SNX27: variants seen among roughly 807,000 people sequenced by gnomAD.
SNX27 encodes sorting nexin-27.
Under a neutral mutation model 71.6 loss-of-function variants are expected in SNX27, and 22 were observed. The ratio of observed to expected loss-of-function variants is 0.31; its 90% CI spans 0.22 to 0.44. The LOEUF is 0.44. SNX27 is among the 20% of genes least tolerant of loss of function. The probability of loss-of-function intolerance (pLI) is 1.00; values close to 1 mark genes in which losing one functional copy is unlikely to be tolerated. For synonymous variants in SNX27, 269 were observed against 277.2 expected (o/e 0.97, Z 0.29); for missense variants, 531 against 698.6 (o/e 0.76, Z 2.70).
At chr1:151,650,865 C>T (rs1669304261) in intron 2 of SNX27, among the ~76,000 whole-genome samples, 1 of 152,016 alleles carries the variant, frequency 6.6e-6, no homozygotes, top group Non-Finnish European at 1.5e-5. Context: ...CGCCCTTAAT[C>T]CATTTAACCC....
At position 151,692,432 on chromosome 1, in the gene SNX27, T is replaced by TTTTTTAAAAAA; in HGVS notation, c.1240-3_1240-2insTTTTTAAAAAA. The TTTTTTAAAAAA allele has an allele frequency of 6.9e-7, 1 of 1,452,068 alleles. No homozygotes were observed. Among genetic ancestry groups the TTTTTTAAAAAA allele is most frequent in the Non-Finnish European group, 9.1e-7 (1 of 1,101,928 alleles). The allele number at this position is 1,452,068 out of a possible 1,614,324, so 89.9% of individuals were successfully genotyped here. On this transcript the variant is annotated splice_polypyrimidine_tract_variant and splice_region_variant and intron_variant, in intron 8 of 11. Coordinates refer to ENST00000458013, the MANE Select transcript of SNX27 (RefSeq NM_001330723.2). ...TTTTTTTTTTTTTTTTTTTTTTTTT[T>TTTTTTAAAAAA]AGTACCTCAACATGCTAAGGACTTG...
At chr1:151,615,836 A>G (rs1571748516) in intron 1 of SNX27, 1 of 984,516 alleles carries the variant, frequency 1.0e-6, no homozygotes, top group Non-Finnish European at 1.2e-6. Flanking sequence ...TTGAAATTTA[A>G]GGGCATACAA....
Position 151,694,605 on chromosome 1 carries a change from A to G in SNX27, c.*188A>G, listed in dbSNP as rs1265341502. On this transcript the variant is annotated 3_prime_UTR_variant, in exon 12 of 12. Transcript: ENST00000458013. Reference sequence around the variant, plus strand: ...TGTCTCTGGAATTGAGGTGGTAGTGAACAGCAGATCGGTCAGCACCAGAAG... The same window carrying G: ...TGTCTCTGGAATTGAGGTGGTAGTGGACAGCAGATCGGTCAGCACCAGAAG... 2.8e-5 allele frequency: 16 copies of G among 561,416 alleles called. No individual in the cohort carries two copies. The East Asian group carries it at 5.2e-4, about 18-fold the overall frequency. The allele number at this position is 561,416 out of a possible 1,614,324, so 34.8% of individuals were successfully genotyped here.
intron 1 of SNX27, among the ~76,000 whole-genome samples, chr1:151,622,098 C>G (rs564962098): frequency 6.6e-6 from 1 of 152,322 alleles, no homozygotes; most frequent in Non-Finnish European, 1.5e-5. Context: ...GGACTACAGA[C>G]TTACAGAAAT....
chr1:151,692,860 C>T (rs1671521344), intron 9 of SNX27, 51 bp from the exon 10 acceptor site: 4 of 1,611,628 alleles, frequency 2.5e-6, no homozygotes, highest in East Asian at 2.2e-5. Context: ...CTCAGTTCCC[C>T]AGCACTCTGA....
chr1:151,621,470 A>T (rs982589182), intron 1 of SNX27, among the ~76,000 whole-genome samples: 7 of 152,176 alleles, frequency 4.6e-5, no homozygotes, highest in African/African-American at 1.4e-4. Flanking sequence ...AACTTTTTAG[A>T]TTCTTGTGTC....
chr1:151,633,912 A>T (rs1204215160), intron 1 of SNX27, among the ~76,000 whole-genome samples: 3 of 149,966 alleles, frequency 2.0e-5, no homozygotes, highest in Non-Finnish European at 3.0e-5. Flanking sequence ...GTTTTGTACT[A>T]TTTTGAATAA....
At chr1:151,687,626 T>C (rs1324331470) in intron 8 of SNX27, among the ~76,000 whole-genome samples, 1 of 152,142 alleles carries the variant, frequency 6.6e-6, no homozygotes, top group Admixed American at 6.5e-5. Context: ...CCTAAAGTGT[T>C]CTGCTCTGTT....
rs139361234 is a variant in SNX27, at chr1:151,682,238, C to G, written c.1150-1118C>G. On this transcript the variant is annotated intron_variant, in intron 7 of 11. Coordinates refer to ENST00000458013, the MANE Select transcript of SNX27 (RefSeq NM_001330723.2). ...GTTATTCCAATAAGTATACCTGTTA[C>G]TGGATGTGTTAGTCCATTTTCACAC... 1.9e-3 allele frequency among the ~76,000 whole-genome samples: 295 copies of G among 152,338 alleles called. 2 individuals carry two copies. The highest frequency in any genetic ancestry group is 6.6e-3 in the African/African-American group (276 of 41,584).
chr1:151,660,587 T>C, intron 3 of SNX27: 1 of 496,762 alleles, frequency 2.0e-6, no homozygotes, highest in South Asian at 2.8e-5. Flanking sequence ...CTTTGTATTT[T>C]CTATTATTTC....
intron 4 of SNX27, 53 bp from the exon 5 acceptor site, chr1:151,662,113 G>C: frequency 8.0e-7 from 1 of 1,253,246 alleles, no homozygotes; most frequent in South Asian, 1.2e-5. Context: ...TTGTTACAGG[G>C]AGAGTGAAGA....
At chr1:151,675,607 G>A (rs1375287927) in intron 7 of SNX27, among the ~76,000 whole-genome samples, 1 of 151,462 alleles carries the variant, frequency 6.6e-6, no homozygotes, top group South Asian at 2.1e-4. Flanking sequence ...GGCTGGCCTG[G>A]GACTCCTGGG....
rs1670936340 is a variant in SNX27 at position 151,681,241 on chromosome 1, T to TC, written c.1150-2115_1150-2114insC. 2.8e-5 allele frequency among the ~76,000 whole-genome samples: 3 copies of TC among 106,800 alleles called. 1 individual carries two copies. The highest frequency in any genetic ancestry group is 5.4e-5 in the Non-Finnish European group (3 of 55,560). 70.1% of individuals were successfully genotyped at this position (106,800 alleles called of 152,430 possible). On this transcript the variant is annotated intron_variant, in intron 7 of 11. Transcript: ENST00000458013. ...GTTGAATTAGTCTCTCAATCTTTTTTTTTTTTTTTTTTTTTTTTGCGATGG... is the reference window on the plus strand; with the variant it reads ...GTTGAATTAGTCTCTCAATCTTTTTTCTTTTTTTTTTTTTTTTTTGCGATGG...
At position 151,694,480 on chromosome 1, in the gene SNX27, C is replaced by A; in HGVS notation, c.*63C>A. On this transcript the variant is annotated 3_prime_UTR_variant, in exon 12 of 12. Transcript: ENST00000458013. ...CTCTTACTCCTTTCATGTCCCATTT[C>A]AGACAGAGTAACCATTAACAAAAAA... 1 of 1,466,182 alleles carries A rather than the reference C, an allele frequency of 6.8e-7. No homozygotes were observed. Among genetic ancestry groups the A allele is most frequent in the Non-Finnish European group, 9.2e-7 (1 of 1,083,366 alleles). 90.8% of individuals were successfully genotyped at this position (1,466,182 alleles called of 1,614,324 possible).
chr1:151,637,106 A>G (rs1262639951), intron 1 of SNX27, among the ~76,000 whole-genome samples: 1 of 142,212 alleles, frequency 7.0e-6, no homozygotes, highest in Non-Finnish European at 1.5e-5. Flanking sequence ...TCCAAAGCCC[A>G]TTTTCTTTCC....
Position 151,692,501 on chromosome 1 carries a change from T to A in SNX27, c.1306T>A (p.Ser436Thr). ...EIIFPHCACD[S>T]RRKGHVITAI... is the part of the protein sequence containing the mutation. ...CATCTTTCCCCACTGTGCCTGTGAC[T>A]CCAGGAGGAAGGGGCACGTTATCAC... is the stretch of plus-strand genomic sequence containing the variant. The change falls in exon 9 of 12, where the codon TCC (serine) becomes ACC (threonine). Residue 436 changes from serine to threonine, a missense_variant. By Grantham distance (58) the Ser-to-Thr change is moderately conservative. This residue lies in a region of SNX27 where 157 missense variants were observed against 178.4 expected (regional missense o/e 0.88). Transcript: ENST00000458013. 1 of 1,503,312 alleles carries A rather than the reference T, an allele frequency of 6.7e-7. No individual in the cohort carries two copies. Among genetic ancestry groups the A allele is most frequent in the East Asian group, 2.7e-5 (1 of 37,412 alleles). The allele number at this position is 1,503,312 out of a possible 1,614,324, so 93.1% of individuals were successfully genotyped here. A position where few individuals can be genotyped will look rare whatever the true frequency, so the allele number is the denominator to read the frequency against.
rs540332829 is a variant in SNX27, at chr1:151,693,412, C to CT, written c.1519-4dup. The stretch of plus-strand genomic sequence containing the variant: ...TTGAGAAGTTAGTGAGTGTCACCAC[C>CT]TTTTTTTTCAGTTCAATTACATGCA... On this transcript the variant is annotated splice_polypyrimidine_tract_variant and intron_variant, in intron 10 of 11. Coordinates refer to ENST00000458013, the MANE Select transcript of SNX27 (RefSeq NM_001330723.2). The CT allele has an allele frequency of 1.2e-3, 1,883 of 1,611,500 alleles. 38 individuals are homozygous for CT. In the South Asian group the frequency reaches 0.019, roughly 16 times the overall value.
intron 1 of SNX27, among the ~76,000 whole-genome samples, chr1:151,634,691 G>A (rs548974723): frequency 6.6e-6 from 1 of 152,230 alleles, no homozygotes; most frequent in South Asian, 2.1e-4. Flanking sequence ...TGTAACTAAA[G>A]CAAATTTTCA....
intron 7 of SNX27, among the ~76,000 whole-genome samples, chr1:151,682,059 G>C (rs1670991819): frequency 1.3e-5 from 2 of 152,070 alleles, no homozygotes; most frequent in Non-Finnish European, 2.9e-5. Flanking sequence ...CTATTTCATT[G>C]TAATGCAGCA....
Sources: allele counts gnomAD v4.1 joint callset (sites outside exome capture counted in the v4.1 genomes callset), GRCh38; gene constraint gnomAD v4.1.1; regional missense constraint gnomAD v4.1.1; transcripts MANE v1.5; gene names NCBI Gene and HGNC (gene_info 2026-07-23, HGNC 2026-07-21).